The following FGF14 variants were observed in gnomAD, a reference collection of about 807,000 sequenced individuals.
FGF14 encodes the protein fibroblast growth factor 14.
FGF14 carries 5 observed loss-of-function variants against 25.5 expected under a neutral mutation model. The ratio of observed to expected loss-of-function variants is 0.20; its 90% confidence interval spans 0.10 to 0.41. FGF14 has a LOEUF of 0.41. Ranked by LOEUF, FGF14 falls within the 10% of genes least tolerant of loss-of-function variation. The pLI is 1.00. For missense variants in FGF14, 222 were observed against 320.1 expected, an observed-to-expected ratio of 0.69 and a Z score of 2.34; for synonymous variants, 138 against 118.3, an observed-to-expected ratio of 1.17 and a Z score of -1.08.
At position 102,057,946 on chromosome 13, in the gene FGF14, G is replaced by A. The variant is rs114651987; in HGVS notation, c.209-182650C>T. The stretch of plus-strand genomic sequence containing the variant: ...CTTTGTTGTTAATTTGTGGAAGCCT[G>A]TGAAATTCCTCCACTGATAATCACA... On this transcript the variant is annotated intron_variant, in intron 1 of 4. Transcript: ENST00000376131. Among the ~76,000 whole-genome samples the A allele has an allele frequency of 3.8e-3, 586 of 152,304 alleles. 4 individuals are homozygous for A. The highest frequency in any genetic ancestry group is 0.013 in the African/African-American group (558 of 41,578).
intron 3 of FGF14, among the ~76,000 whole-genome samples, chr13:101,849,736 G>T (rs2043651297): frequency 6.6e-6 from 1 of 152,078 alleles, no homozygotes; most frequent in Non-Finnish European, 1.5e-5. Context: ...TTTATGGATG[G>T]TATAGAACTC....
chr13:101,774,690 A>T (rs1479294582), intron 3 of FGF14, among the ~76,000 whole-genome samples: 4 of 152,172 alleles, frequency 2.6e-5, no homozygotes, highest in Non-Finnish European at 1.5e-5. Flanking sequence ...TTTCAAGGTC[A>T]TATTCAGCTG....
At chr13:102,256,302 G>T (rs1482041552) in intron 1 of FGF14, among the ~76,000 whole-genome samples, 6 of 151,904 alleles carry the variant, frequency 3.9e-5, no homozygotes, top group African/African-American at 1.4e-4. Context: ...AGACCAACCT[G>T]GGCAACACAG....
At chr13:102,121,223 G>A (rs2045710095) in intron 1 of FGF14, among the ~76,000 whole-genome samples, 1 of 151,928 alleles carries the variant, frequency 6.6e-6, no homozygotes, top group South Asian at 2.1e-4. Context: ...CTTCACAAAG[G>A]AAAGCCATAC....
At chr13:102,345,438 A>C (rs147477015) in intron 1 of FGF14, among the ~76,000 whole-genome samples, 53 of 152,342 alleles carry the variant, frequency 3.5e-4, no homozygotes, top group African/African-American at 1.2e-3. Context: ...GAAAACAAAT[A>C]AAGCAAATAA....
rs541080919 is a variant in FGF14, at chr13:101,963,616, C to T, written c.209-88320G>A. 5.3e-5 allele frequency among the ~76,000 whole-genome samples: 8 copies of T among 152,304 alleles called. No homozygotes were observed. In the East Asian group the frequency reaches 1.5e-3, roughly 29 times the overall value. On this transcript the variant is annotated intron_variant, in intron 1 of 4. Transcript: ENST00000376131. ...TGCATGAGCTCCTGACCATGGCTTT[C>T]AAGGATATCCATGATATGAATGCAT...
chr13:102,302,381 G>A (rs1857906203), intron 1 of FGF14, among the ~76,000 whole-genome samples: 1 of 151,938 alleles, frequency 6.6e-6, no homozygotes, highest in Admixed American at 6.6e-5. Flanking sequence ...GTTTTTCCAG[G>A]TTCTTCCTCA....
intron 1 of FGF14, among the ~76,000 whole-genome samples, chr13:102,036,776 C>T (rs543395064): frequency 2.0e-5 from 3 of 152,222 alleles, no homozygotes; most frequent in Middle Eastern, 3.4e-3. Flanking sequence ...GAATTTCTAC[C>T]TTCAGCTTCT....
At chr13:102,210,710 T>C (rs2050120722) in intron 1 of FGF14, among the ~76,000 whole-genome samples, 2 of 152,058 alleles carry the variant, frequency 1.3e-5, no homozygotes, top group Admixed American at 6.6e-5. Flanking sequence ...TTTAATTAAA[T>C]GTCAAGAAAG....
intron 1 of FGF14, among the ~76,000 whole-genome samples, chr13:102,178,824 T>C (rs2048551533): frequency 1.3e-5 from 2 of 152,132 alleles, no homozygotes; most frequent in African/African-American, 2.4e-5. Context: ...TGTGTATATA[T>C]ATACCAAAAA....
chr13:102,112,224 G>T (rs1204870351), intron 1 of FGF14, among the ~76,000 whole-genome samples: 2 of 152,198 alleles, frequency 1.3e-5, no homozygotes, highest in African/African-American at 4.8e-5. Context: ...GAATAGAATA[G>T]GTCAGGCTTC....
At chr13:101,987,263 G>A (rs1025305542) in intron 1 of FGF14, among the ~76,000 whole-genome samples, 12 of 151,964 alleles carry the variant, frequency 7.9e-5, no homozygotes, top group Non-Finnish European at 1.6e-4. Context: ...CAGCTACTGC[G>A]CCCTGCTCTC....
At chr13:102,296,664 T>C (rs1432431922) in intron 1 of FGF14, among the ~76,000 whole-genome samples, 1 of 152,134 alleles carries the variant, frequency 6.6e-6, no homozygotes, top group Non-Finnish European at 1.5e-5. Context: ...GCATCCATAG[T>C]TCTCCATTTC....
intron 3 of FGF14, among the ~76,000 whole-genome samples, chr13:101,762,025 T>A (rs1318489557): frequency 2.0e-5 from 3 of 152,104 alleles, no homozygotes; most frequent in African/African-American, 4.8e-5. Flanking sequence ...GCAGTATAGG[T>A]TGATGATCTG....
chr13:102,286,987 G>C (rs1381618071), intron 1 of FGF14, among the ~76,000 whole-genome samples: 8 of 152,034 alleles, frequency 5.3e-5, no homozygotes, highest in Non-Finnish European at 1.2e-4. Flanking sequence ...CATGGGGGAG[G>C]GGGAGGGGGA....
At chr13:102,357,122 TG>T (rs1368205532) in intron 1 of FGF14, among the ~76,000 whole-genome samples, 4 of 13,002 alleles carry the variant, frequency 3.1e-4, no homozygotes, top group African/African-American at 5.1e-4. Flanking sequence ...TCCATTATAA[TG>T]TTTTTTTTTT....
At chr13:101,825,264 T>C (rs919527162) in intron 3 of FGF14, among the ~76,000 whole-genome samples, 2 of 152,154 alleles carry the variant, frequency 1.3e-5, no homozygotes, top group Non-Finnish European at 2.9e-5. Context: ...CTGAATTGAA[T>C]TGAATCATAG....
chr13:102,153,629 C>T (rs541772154), intron 1 of FGF14, among the ~76,000 whole-genome samples: 64 of 151,596 alleles, frequency 4.2e-4, no homozygotes, highest in Non-Finnish European at 6.8e-4. Context: ...TACAATTTAC[C>T]CTATTTATCA....
chr13:101,814,472 A>G (rs1187218931), intron 3 of FGF14, among the ~76,000 whole-genome samples: 7 of 152,246 alleles, frequency 4.6e-5, no homozygotes, highest in African/African-American at 1.7e-4. Flanking sequence ...GTAAAATTCA[A>G]TGAGTTTTAA....
Sources: allele counts gnomAD v4.1 joint callset (sites outside exome capture counted in the v4.1 genomes callset), GRCh38; gene constraint gnomAD v4.1.1; transcripts MANE v1.5; gene names NCBI Gene and HGNC (gene_info 2026-07-23, HGNC 2026-07-21).